The following SIM1 variants were observed in gnomAD, a reference collection of about 807,000 sequenced individuals.
SIM1 encodes single-minded homolog 1.
SIM1 carries 18 observed loss-of-function variants against 78.2 expected under a neutral mutation model. That is an observed-to-expected ratio of 0.23 (90% CI 0.16 to 0.34). SIM1 has a LOEUF of 0.34. Among genes scored for constraint, SIM1 ranks in the 10% least tolerant of loss-of-function variants. The probability of loss-of-function intolerance (pLI) is 1.00; values close to 1 mark genes in which losing one functional copy is unlikely to be tolerated. For missense variants in SIM1, 939 were observed against 975.1 expected (o/e 0.96, Z 0.49); for synonymous variants, 417 against 385.2 (o/e 1.08, Z -0.97).
chr6:100,442,808 A>G (rs1404641804), intron 9 of SIM1, among the ~76,000 whole-genome samples: 1 of 152,134 alleles, frequency 6.6e-6, no homozygotes, highest in Non-Finnish European at 1.5e-5. Flanking sequence ...AATTTTTAAA[A>G]ATTTGAAAAC....
At chr6:100,432,863 A>G (rs1228744936) in intron 9 of SIM1, among the ~76,000 whole-genome samples, 1 of 152,096 alleles carries the variant, frequency 6.6e-6, no homozygotes, top group Non-Finnish European at 1.5e-5. Flanking sequence ...TTGAAGCTAA[A>G]CATGTTGTCC....
chr6:100,455,853 T>A (rs1772637838), intron 2 of SIM1, among the ~76,000 whole-genome samples: 1 of 152,180 alleles, frequency 6.6e-6, no homozygotes, highest in South Asian at 2.1e-4. Flanking sequence ...CCAACCAGAA[T>A]GATCTGAAAA....
chr6:100,420,658 C>T (rs1340739497), intron 10 of SIM1, 132 bp downstream of exon 10: 4 of 841,420 alleles, frequency 4.8e-6, no homozygotes, highest in Middle Eastern at 3.6e-4. Context: ...GTTTAGAGAA[C>T]CTTCCAGATT....
At chr6:100,416,256 C>CT (rs1195124418) in intron 10 of SIM1, among the ~76,000 whole-genome samples, 1 of 152,150 alleles carries the variant, frequency 6.6e-6, no homozygotes, top group Non-Finnish European at 1.5e-5. Flanking sequence ...TTCTTTAATT[C>CT]TTACAGTGGT....
chr6:100,463,676 G>A lies in SIM1; in HGVS notation c.-208C>T. 1 of 501,454 alleles carries A rather than the reference G, an allele frequency of 2.0e-6. No individual in the cohort carries two copies. Among genetic ancestry groups the A allele is most frequent in the Non-Finnish European group, 3.5e-6 (1 of 284,080 alleles). The allele number at this position is 501,454 out of a possible 1,614,324, so 31.1% of individuals were successfully genotyped here. ...GGAAAATATGTTCTTTGAAAATTCG[G>A]GATGCAGTATAGGAAAGTTGCTGAT... is the stretch of plus-strand genomic sequence containing the variant. On this transcript the variant is annotated 5_prime_UTR_variant, in exon 2 of 12. Coordinates refer to ENST00000369208, the MANE Select transcript of SIM1 (RefSeq NM_005068.3).
chr6:100,447,831 G>C (rs1175170408), intron 8 of SIM1, among the ~76,000 whole-genome samples: 2 of 152,244 alleles, frequency 1.3e-5, no homozygotes, highest in Non-Finnish European at 2.9e-5. Context: ...CGCCAGCCTT[G>C]GTTTTTGTTC....
chr6:100,463,723 C>T lies in SIM1; in HGVS notation c.-255G>A. Reference sequence around the variant, plus strand: ...TGATCCACCGAATTTGGGCGATCCACCGAATTTGGGCAATCCTGAGGGTCG... The same window carrying T: ...TGATCCACCGAATTTGGGCGATCCATCGAATTTGGGCAATCCTGAGGGTCG... On this transcript the variant is annotated 5_prime_UTR_variant, in exon 2 of 12. The change creates a new upstream start codon in the 5' untranslated region. Transcript: ENST00000369208. 2.8e-6 allele frequency: 1 copy of T among 358,446 alleles called. No homozygotes were observed. Among genetic ancestry groups the T allele is most frequent in the Non-Finnish European group, 5.1e-6 (1 of 197,886 alleles). The allele number at this position is 358,446 out of a possible 1,614,324, so 22.2% of individuals were successfully genotyped here. A position where few individuals can be genotyped will look rare whatever the true frequency, so the allele number is the denominator to read the frequency against.
At chr6:100,440,262 G>A (rs377251232) in intron 9 of SIM1, among the ~76,000 whole-genome samples, 10 of 152,124 alleles carry the variant, frequency 6.6e-5, no homozygotes, top group South Asian at 2.1e-4. Flanking sequence ...GGGTCAAAGG[G>A]GTAGAGTGAT....
chr6:100,425,840 T>A (rs1771712089), intron 9 of SIM1, among the ~76,000 whole-genome samples: 1 of 152,160 alleles, frequency 6.6e-6, no homozygotes, highest in African/African-American at 2.4e-5. Flanking sequence ...TGCTTCCTCA[T>A]GGAGTGGAAC....
intron 3 of SIM1, among the ~76,000 whole-genome samples, 176 bp downstream of exon 3, chr6:100,453,586 C>G (rs1772568170): frequency 6.6e-6 from 1 of 152,002 alleles, no homozygotes; most frequent in Non-Finnish European, 1.5e-5. Flanking sequence ...TAAAATTTTA[C>G]TTTGCAGCAG....
At chr6:100,461,421 C>A (rs1011481236) in intron 2 of SIM1, among the ~76,000 whole-genome samples, 1 of 152,246 alleles carries the variant, frequency 6.6e-6, no homozygotes, top group African/African-American at 2.4e-5. Flanking sequence ...CTCTCCCGGC[C>A]GGCTCGGTGC....
intron 9 of SIM1, among the ~76,000 whole-genome samples, chr6:100,426,474 G>T (rs181494074): frequency 2.6e-5 from 4 of 152,250 alleles, no homozygotes; most frequent in African/African-American, 9.6e-5. Context: ...CCAACATGCC[G>T]CATGGGAAGC....
chr6:100,440,104 G>C (rs1772169158), intron 9 of SIM1, among the ~76,000 whole-genome samples: 1 of 152,186 alleles, frequency 6.6e-6, no homozygotes, highest in Admixed American at 6.5e-5. Flanking sequence ...TAATTGGCAA[G>C]AGCTAATAAA....
intron 10 of SIM1, among the ~76,000 whole-genome samples, chr6:100,407,023 G>A (rs1279949930): frequency 6.6e-6 from 1 of 152,068 alleles, no homozygotes; most frequent in Non-Finnish European, 1.5e-5. Context: ...CATTCTCTAT[G>A]AGTTTGATTT....
chr6:100,415,769 C>T (rs1562241415), intron 10 of SIM1, among the ~76,000 whole-genome samples: 1 of 152,134 alleles, frequency 6.6e-6, no homozygotes, highest in Non-Finnish European at 1.5e-5. Flanking sequence ...TAGCCTTATG[C>T]ATTTCAAGGA....
At chr6:100,423,780 A>T (rs775094121) in intron 9 of SIM1, among the ~76,000 whole-genome samples, 1 of 152,208 alleles carries the variant, frequency 6.6e-6, no homozygotes, top group African/African-American at 2.4e-5. Context: ...GCCATTAGAC[A>T]TCAGTGAGCC....
At chr6:100,415,622 G>A (rs1169465525) in intron 10 of SIM1, among the ~76,000 whole-genome samples, 1 of 152,092 alleles carries the variant, frequency 6.6e-6, no homozygotes, top group African/African-American at 2.4e-5. Flanking sequence ...TCATTCCTAA[G>A]GGTATCTCAT....
At chr6:100,430,899 C>T (rs1394946417) in intron 9 of SIM1, among the ~76,000 whole-genome samples, 1 of 151,480 alleles carries the variant, frequency 6.6e-6, no homozygotes, top group Admixed American at 6.6e-5. Context: ...ACTCCAGGAA[C>T]AAAAAAAATA....
chr6:100,398,498 T>C (rs1450018667), intron 10 of SIM1, among the ~76,000 whole-genome samples: 1 of 152,136 alleles, frequency 6.6e-6, no homozygotes, highest in Non-Finnish European at 1.5e-5. Context: ...TTTGACTATT[T>C]TAGGTACCTC....
Sources: gnomAD v4.1 joint callset for allele counts (sites outside exome capture counted in the v4.1 genomes callset) on GRCh38, gnomAD v4.1.1 for gene constraint, MANE v1.5 for transcripts, NCBI Gene and HGNC (gene_info 2026-07-23, HGNC 2026-07-21) for gene names.